The following USP43 variants were observed in gnomAD, a reference collection of about 807,000 sequenced individuals.
USP43 encodes the protein ubiquitin carboxyl-terminal hydrolase 43.
Under a neutral mutation model 90.7 loss-of-function variants are expected in USP43, and 33 were observed. The observed-to-expected ratio is 0.36, with a 90% CI of 0.28 to 0.49. The LOEUF (loss-of-function observed/expected upper bound fraction) is 0.49, where lower values mean the gene tolerates loss of function less well. Ranked by LOEUF, USP43 falls within the 20% of genes least tolerant of loss-of-function variation. USP43 has a pLI of 0.98. For missense variants in USP43, 1,274 were observed against 1,476.4 expected (o/e 0.86, Z 2.25); for synonymous variants, 598 against 615.8 (o/e 0.97, Z 0.43).
At chr17:9,663,444 T>G (rs571796887) in intron 2 of USP43, among the ~76,000 whole-genome samples, 4 of 151,962 alleles carry the variant, frequency 2.6e-5, no homozygotes, top group African/African-American at 9.6e-5. Context: ...ATTACAGATG[T>G]GCGCCACCAT....
intron 14 of USP43, among the ~76,000 whole-genome samples, chr17:9,713,550 C>T (rs1024010772): frequency 3.3e-5 from 5 of 152,114 alleles, no homozygotes; most frequent in Non-Finnish European, 5.9e-5. Context: ...TCTACTCTGG[C>T]TACTGTGTGG....
intron 9 of USP43, among the ~76,000 whole-genome samples, chr17:9,695,709 A>G (rs1567669522): frequency 1.3e-5 from 2 of 152,164 alleles, no homozygotes; most frequent in Non-Finnish European, 1.5e-5. Context: ...ATCCATTGCC[A>G]CCATCCATCT....
At position 9,666,770 on chromosome 17, in the gene USP43, T is replaced by C. The variant is rs199863053; in HGVS notation, c.740+19T>C. The C allele has an allele frequency of 2.1e-5, 33 of 1,592,176 alleles. No individual in the cohort carries two copies. Among genetic ancestry groups the C allele is most frequent in the Non-Finnish European group, 8.6e-7 (1 of 1,164,014 alleles). ...AATATAGGTAAGATGGGGATGTGTT[T>C]AGAATGTATCACCCGAGGGCTCCGC... On this transcript the variant is annotated intron_variant, in intron 3 of 14. Coordinates refer to ENST00000285199, the MANE Select transcript of USP43 (RefSeq NM_153210.5).
chr17:9,646,260 G>A, intron 1 of USP43, 124 bp downstream of exon 1: 1 of 1,248,854 alleles, frequency 8.0e-7, no homozygotes, highest in South Asian at 2.3e-5. Flanking sequence ...TTCAGCCCCG[G>A]ATTACCGGCT....
In USP43 at chr17:9,728,348, C is replaced by G. The variant is rs866600659; in HGVS notation, c.2730C>G (p.Asn910Lys). The change falls in exon 15 of 15, where the codon AAC (asparagine) becomes AAG (lysine). Residue 910 changes from asparagine (N) to lysine (K), a missense_variant. Physicochemically the swap from Asn to Lys is moderately conservative, Grantham distance 94. This residue lies in a region of USP43 where 353 missense variants were observed against 329.7 expected (regional missense o/e 1.07). Transcript: ENST00000285199. This position sits in a 1 kb window ranked among gnomAD's most constrained non-coding sequence, Gnocchi z 6.2. ...CCCCTGGAAACTCAGATGGTCCAAA[C>G]ACAGCAAGGAAACTCAAGGAAAATG... is the stretch of plus-strand genomic sequence containing the variant. The part of the protein sequence containing the change: ...CLAPGNSDGP[N>K]TARKLKENAG... The G allele has an allele frequency of 6.2e-7, 1 of 1,611,712 alleles. No individual in the cohort carries two copies. The highest frequency in any genetic ancestry group is 1.1e-5 in the South Asian group (1 of 90,628).
intron 5 of USP43, 33 bp downstream of exon 5, chr17:9,676,914 G>A: frequency 6.2e-7 from 1 of 1,604,014 alleles, no homozygotes; most frequent in Non-Finnish European, 8.5e-7. Context: ...CCTGGTCATT[G>A]GATGATAGAA....
intron 8 of USP43, among the ~76,000 whole-genome samples, chr17:9,687,524 A>G (rs897229912): frequency 6.6e-6 from 1 of 152,242 alleles, no homozygotes; most frequent in African/African-American, 2.4e-5. Flanking sequence ...CAAAAACAGC[A>G]TGTTTAAAAA....
chr17:9,654,676 C>G (rs917684935), intron 1 of USP43, among the ~76,000 whole-genome samples: 1 of 151,372 alleles, frequency 6.6e-6, no homozygotes, highest in Non-Finnish European at 1.5e-5. Context: ...AGACTCAGAA[C>G]CAGCATTTCA....
At chr17:9,700,029 T>C (rs976107391) in intron 9 of USP43, 143 bp from the exon 10 acceptor site, 15 of 749,768 alleles carry the variant, frequency 2.0e-5, no homozygotes, top group Non-Finnish European at 3.3e-5. Context: ...CCTCCGAGGA[T>C]AGCTGACCTT....
rs1459825401 is a variant in USP43 at position 9,701,444 on chromosome 17, C to T, written c.1755C>T (p.Leu585=). 6.3e-7 allele frequency: 1 copy of T among 1,597,650 alleles called. No homozygotes were observed. The highest frequency in any genetic ancestry group is 2.3e-5 in the East Asian group (1 of 44,190). Residue 585 remains leucine, a synonymous_variant, in exon 12 of 15, where the codon CTC becomes CTT. Transcript: ENST00000285199. The surrounding 1 kb of genome is among the most constrained non-coding windows in gnomAD (Gnocchi z 7.2). The part of the protein sequence containing the change: ...KLSLWTLPDI[L]IIHLKRFCQV... ...GTTTGTGGACGCTGCCTGACATCCTCATCATCCACCTCAAAAGGTTCTGCC... is the reference window on the plus strand; with the variant it reads ...GTTTGTGGACGCTGCCTGACATCCTTATCATCCACCTCAAAAGGTTCTGCC...
chr17:9,676,614 C>T lies in USP43; in HGVS notation c.834-132C>T. 3.5e-6 allele frequency: 4 copies of T among 1,138,494 alleles called. No individual in the cohort carries two copies. The South Asian group carries it at 5.5e-5, about 16-fold the overall frequency. The allele number at this position is 1,138,494 out of a possible 1,614,324, so 70.5% of individuals were successfully genotyped here. ...CTCGAACTCTTGACCGCAGGTGATCCACCTGCTTCAGCCTCCCAAAATGCT... is the reference window on the plus strand; with the variant it reads ...CTCGAACTCTTGACCGCAGGTGATCTACCTGCTTCAGCCTCCCAAAATGCT... On this transcript the variant is annotated intron_variant, in intron 4 of 14. Transcript: ENST00000285199.
intron 14 of USP43, among the ~76,000 whole-genome samples, chr17:9,720,337 A>G (rs1267670490): frequency 4.2e-4 from 62 of 146,890 alleles, no homozygotes; most frequent in African/African-American, 1.1e-3. Context: ...AAAAAAAAAA[A>G]AAAGAAAGAA....
At chr17:9,695,358 G>GAGT (rs1315092183) in intron 9 of USP43, among the ~76,000 whole-genome samples, 14 of 151,658 alleles carry the variant, frequency 9.2e-5, no homozygotes, top group Admixed American at 9.2e-4. Flanking sequence ...TTTTGAGATG[G>GAGT]AGTCTCACTC....
intron 5 of USP43, 107 bp from the exon 6 acceptor site, chr17:9,680,124 G>T: frequency 3.9e-6 from 5 of 1,276,838 alleles, no homozygotes; most frequent in Non-Finnish European, 4.3e-6. Flanking sequence ...TAGCCAATTG[G>T]AAGGAAAAGG....
At chr17:9,698,805 G>A (rs6503239) in intron 9 of USP43, among the ~76,000 whole-genome samples, 51,693 of 152,086 alleles carry the variant, frequency 0.34, 10,633 homozygotes, top group East Asian at 0.69. Flanking sequence ...GGCAGAAAGA[G>A]ATGTAAATTT....
chr17:9,705,616 G>T (rs142050557), intron 12 of USP43, among the ~76,000 whole-genome samples: 1 of 151,914 alleles, frequency 6.6e-6, no homozygotes. Context: ...TCAGCCAGGC[G>T]TGGTGGCGTG....
chr17:9,697,796 C>T (rs557213850), intron 9 of USP43, among the ~76,000 whole-genome samples: 3 of 151,590 alleles, frequency 2.0e-5, no homozygotes, highest in Non-Finnish European at 4.4e-5. Context: ...ATGTGACAAA[C>T]GTGTGAGTGC....
At chr17:9,727,924 G>T (rs756249536) in intron 14 of USP43, 30 bp from the exon 15 acceptor site, 2 of 1,575,314 alleles carry the variant, frequency 1.3e-6, no homozygotes, top group South Asian at 1.2e-5. Flanking sequence ...AGGGTGGCTT[G>T]TACACTGACA....
intron 9 of USP43, among the ~76,000 whole-genome samples, chr17:9,696,615 A>G (rs1027618011): frequency 6.6e-6 from 1 of 152,060 alleles, no homozygotes; most frequent in Non-Finnish European, 1.5e-5. Context: ...AAAGCTTTCC[A>G]TTTCCCATCT....
Sources: gnomAD v4.1 joint callset for allele counts (sites outside exome capture counted in the v4.1 genomes callset) on GRCh38, gnomAD v4.1.1 for gene constraint, gnomAD v4.1.1 regional missense constraint, Gnocchi (gnomAD v3.1) non-coding constraint, MANE v1.5 for transcripts, NCBI Gene and HGNC (gene_info 2026-07-23, HGNC 2026-07-21) for gene names.